SREBF2: variants seen among roughly 807,000 people sequenced by gnomAD.
SREBF2 encodes sterol regulatory element binding transcription factor 2, also known as sterol regulatory element-binding protein 2.
SREBF2 carries 55 observed loss-of-function variants against 113.1 expected under a neutral mutation model. The observed-to-expected ratio is 0.49, with a 90% CI of 0.39 to 0.61. SREBF2 has a LOEUF of 0.61. Among genes scored for constraint, SREBF2 ranks in the 20% least tolerant of loss-of-function variants. The probability of loss-of-function intolerance (pLI) is 0.00; values close to 1 mark genes in which losing one functional copy is unlikely to be tolerated. For synonymous variants in SREBF2, 593 were observed against 605.7 expected (o/e 0.98, Z 0.31); for missense variants, 1,349 against 1,487.4 (o/e 0.91, Z 1.53).
chr22:41,878,232 G>A, intron 9 of SREBF2, 109 bp downstream of exon 9: 1 of 1,422,390 alleles, frequency 7.0e-7, no homozygotes, highest in Non-Finnish European at 9.6e-7. Flanking sequence ...GAGGAAAAAG[G>A]GACCCTGCTG....
At position 41,867,259 on chromosome 22, in the gene SREBF2, A is replaced by G; in HGVS notation, c.517A>G (p.Asn173Asp). Residue 173 changes from asparagine to aspartate, a missense_variant, in exon 2 of 19, where the codon AAT becomes GAT. Transcript: ENST00000361204. ...RIIQQPLIYQNAATSFQVLQP... is the reference protein window; with the variant it reads ...RIIQQPLIYQDAATSFQVLQP... ...CATCCAGCAGCCTTTGATATACCAG[A>G]ATGCAGCTACTAGCTTTCAAGGTGA... The G allele has an allele frequency of 1.2e-6, 2 of 1,614,158 alleles. No individual in the cohort carries two copies. Among genetic ancestry groups the G allele is most frequent in the Non-Finnish European group, 1.7e-6 (2 of 1,180,018 alleles).
rs147854967 is a variant in SREBF2, at chr22:41,856,560, A to G, written c.89-10271A>G. 3.3e-3 allele frequency among the ~76,000 whole-genome samples: 502 copies of G among 152,350 alleles called. 4 individuals carry two copies. The highest frequency in any genetic ancestry group is 0.012 in the African/African-American group (481 of 41,590). ...TTTGAAGTAGAATTGTGAAATTCAG[A>G]GTTTGGAGAAAGGAAGAGGGTGGTC... On this transcript the variant is annotated intron_variant, in intron 1 of 18. Coordinates refer to ENST00000361204, the MANE Select transcript of SREBF2 (RefSeq NM_004599.4).
intron 3 of SREBF2, among the ~76,000 whole-genome samples, chr22:41,870,525 C>T (rs1201724203): frequency 6.7e-6 from 1 of 149,980 alleles, no homozygotes; most frequent in Non-Finnish European, 1.5e-5. Flanking sequence ...ACTCAGGAGG[C>T]TGAGGCAGCA....
chr22:41,872,228 C>T (rs915384500), intron 4 of SREBF2, among the ~76,000 whole-genome samples: 4 of 143,630 alleles, frequency 2.8e-5, no homozygotes, highest in African/African-American at 5.2e-5. Context: ...CCAGCCCGGG[C>T]GACAGAGCAA....
In SREBF2 at chr22:41,875,604, G is replaced by A; in HGVS notation, c.1266G>A (p.Glu422=). 1 of 1,614,226 alleles carries A rather than the reference G, an allele frequency of 6.2e-7. No homozygotes were observed. Among genetic ancestry groups the A allele is most frequent in the South Asian group, 1.1e-5 (1 of 91,086 alleles). The part of the protein sequence containing the change: ...LVDNEVDLKI[E]DFNQNVLLMS... ...ACAATGAGGTGGACCTGAAGATCGA[G>A]GACTTTAATCAGAATGTCCTTCTGA... The change falls in exon 7 of 19, where the codon GAG becomes GAA. Residue 422 remains glutamate, a synonymous_variant. Transcript: ENST00000361204.
At position 41,884,968 on chromosome 22, in the gene SREBF2, T is replaced by C. The variant is rs772080259; in HGVS notation, c.2165T>C (p.Met722Thr). ...GTTGAGATCCATCTGACTGCTGCCA[T>C]GGGGCTCAAGACCCGGTGTGGAGGC... ...TLVEIHLTAA[M>T]GLKTRCGGKL... Residue 722 changes from methionine (M) to threonine (T), a missense_variant, in exon 11 of 19, where the codon ATG becomes ACG. Met to Thr is a moderately conservative substitution (Grantham distance 81, BLOSUM62 -1). Around this residue, in one of 2 missense-constraint regions of SREBF2, gnomAD observed 650 missense variants for 644.1 expected, o/e 1.01. Coordinates refer to ENST00000361204, the MANE Select transcript of SREBF2 (RefSeq NM_004599.4). 3 of 1,614,196 alleles carry C rather than the reference T, an allele frequency of 1.9e-6. No homozygotes were observed. The highest frequency in any genetic ancestry group is 2.2e-5 in the South Asian group (2 of 91,076).
intron 1 of SREBF2, among the ~76,000 whole-genome samples, chr22:41,852,347 T>G (rs2076940017): frequency 6.6e-6 from 1 of 152,196 alleles, no homozygotes. Context: ...AATTAATTAA[T>G]TTTTCAAAGA....
In SREBF2 at chr22:41,867,076, C is replaced by G. The variant is rs1257733204; in HGVS notation, c.334C>G (p.Leu112Val). 5 of 1,614,212 alleles carry G rather than the reference C, an allele frequency of 3.1e-6. No homozygotes were observed. The highest frequency in any genetic ancestry group is 1.7e-5 in the Admixed American group (1 of 60,018). Reference sequence around the variant, plus strand: ...GGCGGCCTCCCCACAGGCTCCAACTCTGCAAGTCAAGGTTTCTCCCACCTC... The same window carrying G: ...GGCGGCCTCCCCACAGGCTCCAACTGTGCAAGTCAAGGTTTCTCCCACCTC... ...PSAASPQAPT[L>V]QVKVSPTSVP... Residue 112 changes from leucine to valine, a missense_variant, in exon 2 of 19, where the codon CTG becomes GTG. This residue lies in a region of SREBF2 where 699 missense variants were observed against 843.3 expected (regional missense o/e 0.83). Coordinates refer to ENST00000361204, the MANE Select transcript of SREBF2 (RefSeq NM_004599.4).
At position 41,873,835 on chromosome 22, in the gene SREBF2, T is replaced by A; in HGVS notation, c.905T>A (p.Met302Lys). Residue 302 changes from methionine (M) to lysine (K), a missense_variant, in exon 5 of 19, where the codon ATG becomes AAG. Around this residue, in one of 2 missense-constraint regions of SREBF2, gnomAD observed 699 missense variants for 843.3 expected, o/e 0.83. Transcript: ENST00000361204. ...VGSSGTILTT[M>K]PVMMGQEKVP... Reference sequence around the variant, plus strand: ...AGCAGTGGGACCATTCTGACCACAATGCCTGTAATGATGGGGCAAGAGAAA... The same window carrying A: ...AGCAGTGGGACCATTCTGACCACAAAGCCTGTAATGATGGGGCAAGAGAAA... The A allele has an allele frequency of 6.2e-7, 1 of 1,612,344 alleles. No individual in the cohort carries two copies. The highest frequency in any genetic ancestry group is 2.2e-5 in the East Asian group (1 of 44,876).
In SREBF2 at chr22:41,903,077, C is replaced by T. The variant is rs374970640; in HGVS notation, c.3015C>T (p.Gly1005=). The T allele has an allele frequency of 1.4e-5, 22 of 1,593,466 alleles. No homozygotes were observed. The highest frequency in any genetic ancestry group is 3.5e-5 in the Admixed American group (2 of 57,786). ...QAVGETYHAS[G]AELAGFQRDL... ...TGGGGGAGACCTACCACGCGTCAGG[C>T]GCTGAACTGGCGGGCTTCCAACGGG... The change falls in exon 17 of 19, where the codon GGC becomes GGT. Residue 1005 remains glycine (G), a synonymous_variant. Transcript: ENST00000361204.
At chr22:41,843,713 G>T (rs923753865) in intron 1 of SREBF2, among the ~76,000 whole-genome samples, 2 of 152,128 alleles carry the variant, frequency 1.3e-5, no homozygotes, top group African/African-American at 2.4e-5. Context: ...AGAAGTGTCT[G>T]TCCAGGCGCA....
In SREBF2 at chr22:41,880,965, C is replaced by A; in HGVS notation, c.2011C>A (p.His671Asn). 1 of 1,609,448 alleles carries A rather than the reference C, an allele frequency of 6.2e-7. No homozygotes were observed. Among genetic ancestry groups the A allele is most frequent in the South Asian group, 1.1e-5 (1 of 91,038 alleles). ...TSARDAALAY[H>N]RLHQLHITGK... is the part of the protein sequence containing the mutation. ...CGCCCGGGATGCGGCTCTGGCCTAT[C>A]ACCGGCTGCACCAGCTGCACATCAC... Residue 671 changes from histidine to asparagine, a missense_variant, in exon 10 of 19, where the codon CAC becomes AAC. By Grantham distance (68) the His-to-Asn change is moderately conservative. Around this residue, in one of 2 missense-constraint regions of SREBF2, gnomAD observed 650 missense variants for 644.1 expected, o/e 1.01. Coordinates refer to ENST00000361204, the MANE Select transcript of SREBF2 (RefSeq NM_004599.4).
intron 1 of SREBF2, among the ~76,000 whole-genome samples, chr22:41,852,426 A>C (rs1303676400): frequency 6.6e-6 from 1 of 152,136 alleles, no homozygotes; most frequent in Non-Finnish European, 1.5e-5. Context: ...ATCTCCATTC[A>C]GTTTGGCCTT....
At chr22:41,835,088 T>C (rs1437697605) in intron 1 of SREBF2, among the ~76,000 whole-genome samples, 3 of 152,140 alleles carry the variant, frequency 2.0e-5, no homozygotes, top group African/African-American at 7.2e-5. Context: ...TTCATGTGCA[T>C]TTTGCATTCC....
intron 11 of SREBF2, among the ~76,000 whole-genome samples, chr22:41,885,425 A>G (rs1052717): frequency 0.62 from 94,760 of 152,174 alleles, 31,372 homozygotes; most frequent in African/African-American, 0.84. Context: ...GGCATCTTGT[A>G]TTGATCACAG....
At chr22:41,852,410 C>G (rs896550580) in intron 1 of SREBF2, among the ~76,000 whole-genome samples, 2 of 151,030 alleles carry the variant, frequency 1.3e-5, no homozygotes, top group African/African-American at 2.4e-5. Flanking sequence ...TGAATTTAAT[C>G]GTGACATCTC....
chr22:41,895,862 G>A (rs1043970836), intron 13 of SREBF2, among the ~76,000 whole-genome samples: 1 of 150,660 alleles, frequency 6.6e-6, no homozygotes, highest in Non-Finnish European at 1.5e-5. Context: ...GATGGGGGCT[G>A]GGTGCAGTGG....
intron 1 of SREBF2, among the ~76,000 whole-genome samples, chr22:41,842,871 TC>T (rs549896280): frequency 4.6e-5 from 7 of 152,148 alleles, no homozygotes; most frequent in African/African-American, 1.4e-4. Context: ...GAGCCTGTAA[TC>T]CCAGCTACGT....
chr22:41,866,312 A>G lies in SREBF2; in HGVS notation c.89-519A>G, dbSNP rs567747795. Among the ~76,000 whole-genome samples, 310 of 151,912 alleles carry G rather than the reference A, an allele frequency of 2.0e-3. 2 individuals are homozygous for G. Among genetic ancestry groups the G allele is most frequent in the African/African-American group, 6.1e-3 (250 of 41,194 alleles). On this transcript the variant is annotated intron_variant, in intron 1 of 18. Coordinates refer to ENST00000361204, the MANE Select transcript of SREBF2 (RefSeq NM_004599.4). ...ACACCTGTAATCCCAGCACTTTGGG[A>G]GGCTGAGGTGGGTGGATCACCTAAG...
Sources: gnomAD v4.1 joint callset for allele counts (sites outside exome capture counted in the v4.1 genomes callset) on GRCh38, gnomAD v4.1.1 for gene constraint, gnomAD v4.1.1 regional missense constraint, MANE v1.5 for transcripts, NCBI Gene and HGNC (gene_info 2026-07-23, HGNC 2026-07-21) for gene names.